The following DLGAP5 variants were observed in gnomAD, a reference collection of about 807,000 sequenced individuals.
The protein encoded by DLGAP5 is disks large-associated protein 5.
DLGAP5 carries 90 observed loss-of-function variants against 99.6 expected under a neutral mutation model. That is an observed-to-expected ratio of 0.90 (90% CI 0.76 to 1.08). The LOEUF is 1.08. Ranked by LOEUF, DLGAP5 falls within the 50% of genes least tolerant of loss-of-function variation. DLGAP5 has a pLI of 0.00. For synonymous variants in DLGAP5, 311 were observed against 321.3 expected, an observed-to-expected ratio of 0.97 and a Z score of 0.34; for missense variants, 1,036 against 983.5, an observed-to-expected ratio of 1.05 and a Z score of -0.71.
At chr14:55,188,898 T>C (rs1883514799) in intron 2 of DLGAP5, 44 bp downstream of exon 2, 4 of 1,494,976 alleles carry the variant, frequency 2.7e-6, no homozygotes, top group Admixed American at 1.9e-5. Context: ...CCAACTATTA[T>C]TCACTCTTCA....
rs752906008 is a variant in DLGAP5 at position 55,169,362 on chromosome 14, C to T, written c.1548+37G>A. ...CTACTTAAAAAAAAAAAAAAAAAAG[C>T]CCTAAGTTAATATATTTGAAATATT... On this transcript the variant is annotated intron_variant, in intron 12 of 18. Coordinates refer to ENST00000247191, the MANE Select transcript of DLGAP5 (RefSeq NM_014750.5). 9 of 1,284,432 alleles carry T rather than the reference C, an allele frequency of 7.0e-6. No individual in the cohort carries two copies. In the Admixed American group the frequency reaches 9.3e-5, roughly 13 times the overall value. 79.6% of individuals were successfully genotyped at this position (1,284,432 alleles called of 1,614,324 possible).
Position 55,169,526 on chromosome 14 carries a change from G to A in DLGAP5, c.1421C>T (p.Thr474Ile). ...KDLIRTAVGQTRLLMKERFKQ... is the reference protein window; with the variant it reads ...KDLIRTAVGQIRLLMKERFKQ... ...AAACCTTTCCTTCATAAGGAGTCTT[G>A]TTTGACCAACTGCTGTGCGAATAAG... is the stretch of plus-strand genomic sequence containing the variant. The change falls in exon 12 of 19, where the codon ACA (threonine) becomes ATA (isoleucine). Residue 474 changes from threonine (T) to isoleucine (I), a missense_variant. Thr to Ile is a moderately conservative substitution (Grantham distance 89, BLOSUM62 -1). Transcript: ENST00000247191. 6 of 1,599,886 alleles carry A rather than the reference G, an allele frequency of 3.8e-6. No homozygotes were observed. Among genetic ancestry groups the A allele is most frequent in the Non-Finnish European group, 4.2e-6 (5 of 1,176,562 alleles).
At chr14:55,168,498 A>G (rs1245498352) in intron 12 of DLGAP5, among the ~76,000 whole-genome samples, 1 of 152,088 alleles carries the variant, frequency 6.6e-6, no homozygotes, top group Non-Finnish European at 1.5e-5. Context: ...TTCAATGTCT[A>G]TTGTTGGCTG....
chr14:55,159,122 G>A (rs1180308887), intron 13 of DLGAP5, among the ~76,000 whole-genome samples: 2 of 147,222 alleles, frequency 1.4e-5, no homozygotes, highest in Middle Eastern at 3.8e-3. Context: ...AAATAAGGAT[G>A]ACACCTAAAC....
intron 14 of DLGAP5, among the ~76,000 whole-genome samples, chr14:55,155,735 T>C (rs1882193052): frequency 6.6e-6 from 1 of 152,166 alleles, no homozygotes. Flanking sequence ...GAAGCTATAA[T>C]GTAGATTGTT....
chr14:55,173,817 C>A (rs966183094), intron 10 of DLGAP5, among the ~76,000 whole-genome samples: 1 of 151,802 alleles, frequency 6.6e-6, no homozygotes, highest in Admixed American at 6.5e-5. Flanking sequence ...CCAGTCAATA[C>A]CCTTGTGATT....
At chr14:55,162,668 T>C (rs1267076615) in intron 13 of DLGAP5, among the ~76,000 whole-genome samples, 2 of 151,580 alleles carry the variant, frequency 1.3e-5, no homozygotes, top group Non-Finnish European at 1.5e-5. Context: ...ATATATCCAG[T>C]ATGTGGTAAC....
At chr14:55,166,677 T>C (rs866464015) in intron 12 of DLGAP5, among the ~76,000 whole-genome samples, 3 of 151,080 alleles carry the variant, frequency 2.0e-5, no homozygotes, top group African/African-American at 7.3e-5. Flanking sequence ...TGCAGTAAAC[T>C]GAGATTGTGC....
intron 18 of DLGAP5, among the ~76,000 whole-genome samples, chr14:55,149,318 G>A (rs2140301259): frequency 6.6e-6 from 1 of 152,280 alleles, no homozygotes; most frequent in East Asian, 1.9e-4. Context: ...TGAAAGCCCT[G>A]ATCCTCTAGG....
At chr14:55,182,709 T>C (rs1376096358) in intron 3 of DLGAP5, among the ~76,000 whole-genome samples, 1 of 152,180 alleles carries the variant, frequency 6.6e-6, no homozygotes, top group Non-Finnish European at 1.5e-5. Context: ...CCTCTCTTAG[T>C]TCTCCTGCCT....
Position 55,169,426 on chromosome 14 carries a change from A to C in DLGAP5, c.1521T>G (p.Asp507Glu). The part of the protein sequence containing the change: ...GIKETTCTDL[D>E]GFWDMVSFQI... ...GAAAACTAACCATATCCCAAAATCC[A>C]TCCAGATCTGTACAGGTAGTCTCCT... Residue 507 changes from aspartate (D) to glutamate (E), a missense_variant, in exon 12 of 19, where the codon GAT (aspartate) becomes GAG (glutamate). Coordinates refer to ENST00000247191, the MANE Select transcript of DLGAP5 (RefSeq NM_014750.5). 6.3e-7 allele frequency: 1 copy of C among 1,575,318 alleles called. No individual in the cohort carries two copies. Among genetic ancestry groups the C allele is most frequent in the Non-Finnish European group, 8.6e-7 (1 of 1,164,986 alleles).
At chr14:55,176,998 AAAAAAAG>A in intron 8 of DLGAP5, 57 bp downstream of exon 8, 1 of 1,055,180 alleles carries the variant, frequency 9.5e-7, no homozygotes, top group Non-Finnish European at 1.2e-6. Context: ...AAAAAAAAAA[AAAAAAAG>A]AAAGGCATTT....
At position 55,151,992 on chromosome 14, in the gene DLGAP5, C is replaced by T. The variant is rs746217773; in HGVS notation, c.2122-51G>A. On this transcript the variant is annotated intron_variant, in intron 16 of 18. Coordinates refer to ENST00000247191, the MANE Select transcript of DLGAP5 (RefSeq NM_014750.5). ...TAATTATCAATTTAATTACTTGGAA[C>T]AAATTTTAAAAGTCTTGTTGCTATT... The T allele has an allele frequency of 1.9e-6, 3 of 1,558,196 alleles. No homozygotes were observed. The East Asian group carries it at 6.8e-5, about 35-fold the overall frequency.
At chr14:55,172,179 T>TA (rs35259527) in intron 10 of DLGAP5, among the ~76,000 whole-genome samples, 182 of 139,794 alleles carry the variant, frequency 1.3e-3, no homozygotes, top group South Asian at 3.2e-3. Context: ...TTTGTTTCTT[T>TA]AAAAAAAAAA....
At chr14:55,182,315 TA>T (rs1883305144) in intron 4 of DLGAP5, 54 bp downstream of exon 4, 1 of 1,408,530 alleles carries the variant, frequency 7.1e-7, no homozygotes, top group South Asian at 1.2e-5. Context: ...TGAATTTACT[TA>T]CTAAAAAAGT....
intron 13 of DLGAP5, among the ~76,000 whole-genome samples, chr14:55,160,562 C>T (rs1292502467): frequency 6.6e-6 from 1 of 151,740 alleles, no homozygotes; most frequent in Non-Finnish European, 1.5e-5. Context: ...ATTCTCCTAC[C>T]CCAGCCTCCT....
chr14:55,190,184 C>A (rs1883561638), intron 1 of DLGAP5, among the ~76,000 whole-genome samples: 1 of 152,020 alleles, frequency 6.6e-6, no homozygotes, highest in African/African-American at 2.4e-5. Flanking sequence ...TGTAATCCTA[C>A]CACTTTGGGA....
intron 10 of DLGAP5, among the ~76,000 whole-genome samples, chr14:55,173,904 T>G (rs1882961506): frequency 2.0e-5 from 3 of 152,160 alleles, no homozygotes; most frequent in Admixed American, 2.0e-4. Context: ...CAGGACCCTG[T>G]AATAACTGTA....
At chr14:55,151,560 C>A in intron 17 of DLGAP5, 135 bp downstream of exon 17, 1 of 959,014 alleles carries the variant, frequency 1.0e-6, no homozygotes, top group Non-Finnish European at 1.5e-6. Flanking sequence ...TGTTCTAATT[C>A]AGGGTCTTCA....
Sources: gnomAD v4.1 joint callset for allele counts (sites outside exome capture counted in the v4.1 genomes callset) on GRCh38, gnomAD v4.1.1 for gene constraint, MANE v1.5 for transcripts, NCBI Gene and HGNC (gene_info 2026-07-23, HGNC 2026-07-21) for gene names.